SULF1: variants seen among roughly 807,000 people sequenced by gnomAD.
The protein encoded by SULF1 is sulfatase 1.
SULF1 carries 46 observed loss-of-function variants against 110.5 expected under a neutral mutation model. The ratio of observed to expected loss-of-function variants is 0.42; its 90% CI spans 0.33 to 0.53. SULF1 has a LOEUF of 0.53. SULF1 is among the 20% of genes least tolerant of loss of function. SULF1 has a pLI of 0.12. For synonymous variants in SULF1, 371 were observed against 387.1 expected (o/e 0.96, Z 0.49); for missense variants, 941 against 1,094.2 (o/e 0.86, Z 1.98).
At chr8:69,511,200 T>C (rs1402688761) in intron 3 of SULF1, among the ~76,000 whole-genome samples, 1 of 152,244 alleles carries the variant, frequency 6.6e-6, no homozygotes, top group Admixed American at 6.5e-5. Flanking sequence ...GAAACTACTT[T>C]GGGAATATAT....
intron 5 of SULF1, among the ~76,000 whole-genome samples, chr8:69,568,867 G>GA (rs1410312810): frequency 2.6e-5 from 4 of 152,060 alleles, no homozygotes; most frequent in Non-Finnish European, 4.4e-5. Context: ...TTTCAAAACT[G>GA]AAAAAATATA....
chr8:69,518,293 C>G (rs971877511), intron 3 of SULF1, among the ~76,000 whole-genome samples: 3 of 151,982 alleles, frequency 2.0e-5, no homozygotes, highest in African/African-American at 7.2e-5. Context: ...TTATGTTCAC[C>G]TTTTCGTTAA....
chr8:69,555,707 A>G (rs1433457196), intron 3 of SULF1, among the ~76,000 whole-genome samples: 1 of 152,154 alleles, frequency 6.6e-6, no homozygotes, highest in Non-Finnish European at 1.5e-5. Context: ...CTTCATTTAT[A>G]TAGTAAAGTC....
At chr8:69,549,975 C>T (rs139403950) in intron 3 of SULF1, among the ~76,000 whole-genome samples, 2 of 152,058 alleles carry the variant, frequency 1.3e-5, no homozygotes, top group African/African-American at 4.8e-5. Context: ...GGGGGCTGTA[C>T]ATGGTGTGTG....
chr8:69,576,584 C>T (rs535029514), intron 6 of SULF1, among the ~76,000 whole-genome samples: 39 of 152,224 alleles, frequency 2.6e-4, no homozygotes, highest in African/African-American at 8.4e-4. Context: ...ATTGTTTAAC[C>T]TACACAGGGC....
rs775073888 is a variant in SULF1 at position 69,564,118 on chromosome 8, T to G, written c.143T>G (p.Val48Gly). 7.4e-6 allele frequency: 12 copies of G among 1,614,068 alleles called. No individual in the cohort carries two copies. The highest frequency in any genetic ancestry group is 8.5e-7 in the Non-Finnish European group (1 of 1,180,034). ...AACATCCGACCCAACATTATTCTTG[T>G]GCTTACCGATGATCAAGATGTGGAG... is the stretch of plus-strand genomic sequence containing the variant. Reference protein sequence around the residue: ...RKNIRPNIILVLTDDQDVELG... With the variant: ...RKNIRPNIILGLTDDQDVELG... The change falls in exon 5 of 23, where the codon GTG (valine) becomes GGG (glycine). Residue 48 changes from valine to glycine, a missense_variant. Physicochemically the swap from Val to Gly is moderately radical, Grantham distance 109. Coordinates refer to ENST00000402687, the MANE Select transcript of SULF1 (RefSeq NM_001128205.2).
At chr8:69,591,936 C>T (rs1806939450) in intron 8 of SULF1, among the ~76,000 whole-genome samples, 1 of 152,186 alleles carries the variant, frequency 6.6e-6, no homozygotes, top group South Asian at 2.1e-4. Flanking sequence ...GATAAAGTAA[C>T]TTTGCCCCAA....
At chr8:69,554,910 C>T (rs558180978) in intron 3 of SULF1, among the ~76,000 whole-genome samples, 1 of 126,952 alleles carries the variant, frequency 7.9e-6, no homozygotes, top group Non-Finnish European at 1.6e-5. Flanking sequence ...ACCTGGGAGG[C>T]GGAGCTTGCG....
intron 3 of SULF1, among the ~76,000 whole-genome samples, chr8:69,554,194 A>C (rs1340563467): frequency 6.6e-6 from 1 of 152,230 alleles, no homozygotes; most frequent in Non-Finnish European, 1.5e-5. Context: ...AAAGTAGAGT[A>C]ATGAGTGAGA....
intron 5 of SULF1, among the ~76,000 whole-genome samples, chr8:69,570,333 T>C (rs1189193495): frequency 6.6e-6 from 1 of 152,226 alleles, no homozygotes; most frequent in Non-Finnish European, 1.5e-5. Context: ...CGAGTTTTTC[T>C]GGACATGACA....
chr8:69,499,870 C>T (rs989512269), intron 2 of SULF1, among the ~76,000 whole-genome samples: 3 of 152,144 alleles, frequency 2.0e-5, no homozygotes, highest in African/African-American at 7.2e-5. Context: ...CCGCCTCAGC[C>T]TCCCAAGTAG....
intron 5 of SULF1, 94 bp downstream of exon 5, chr8:69,564,241 T>A: frequency 7.0e-7 from 1 of 1,434,728 alleles, no homozygotes; most frequent in Non-Finnish European, 9.7e-7. Flanking sequence ...GCTTTGCACT[T>A]AATTATTGCA....
In SULF1 at chr8:69,634,871, G is replaced by A. The variant is rs972383157; in HGVS notation, c.2285-3631G>A. Among the ~76,000 whole-genome samples, 5 of 152,228 alleles carry A rather than the reference G, an allele frequency of 3.3e-5. No individual in the cohort carries two copies. In the East Asian group the frequency reaches 5.8e-4, roughly 18 times the overall value. ...CCCCCAGGCTGGAGTGCAATGGTGC[G>A]ATCTTGGCTCACTGCAACCTCCGCC... On this transcript the variant is annotated intron_variant, in intron 19 of 22. Coordinates refer to ENST00000402687, the MANE Select transcript of SULF1 (RefSeq NM_001128205.2).
At chr8:69,550,982 A>C (rs182609143) in intron 3 of SULF1, among the ~76,000 whole-genome samples, 1 of 152,226 alleles carries the variant, frequency 6.6e-6, no homozygotes, top group Admixed American at 6.5e-5. Flanking sequence ...TGTCTTTACT[A>C]TCATGGTGGT....
chr8:69,560,968 ATG>A (rs1815442936), intron 3 of SULF1, among the ~76,000 whole-genome samples: 1 of 152,194 alleles, frequency 6.6e-6, no homozygotes, highest in South Asian at 2.1e-4. Context: ...CCTGAATTGA[ATG>A]TTGGTGGTGG....
chr8:69,560,170 T>A (rs560395759), intron 3 of SULF1, among the ~76,000 whole-genome samples: 1 of 152,158 alleles, frequency 6.6e-6, no homozygotes, highest in East Asian at 1.9e-4. Flanking sequence ...TTGGCCACCA[T>A]CCCCTCTAGA....
At chr8:69,626,236 T>C (rs59944706) in intron 15 of SULF1, among the ~76,000 whole-genome samples, 2 of 39,976 alleles carry the variant, frequency 5.0e-5, no homozygotes, top group African/African-American at 8.9e-5. Context: ...TTGGTGTGTT[T>C]ACAATCCCTG....
intron 13 of SULF1, among the ~76,000 whole-genome samples, chr8:69,619,239 A>C (rs6472471): frequency 0.2 from 30,410 of 152,236 alleles, 3,534 homozygotes; most frequent in Middle Eastern, 0.3. Flanking sequence ...GAAAAGTTTC[A>C]GTAGATAATG....
At chr8:69,534,934 G>A (rs1813338361) in intron 3 of SULF1, among the ~76,000 whole-genome samples, 1 of 151,950 alleles carries the variant, frequency 6.6e-6, no homozygotes, top group Non-Finnish European at 1.5e-5. Context: ...ACTTTATAAG[G>A]ATTGTTGTTT....
Sources: allele counts gnomAD v4.1 joint callset (sites outside exome capture counted in the v4.1 genomes callset), GRCh38; gene constraint gnomAD v4.1.1; transcripts MANE v1.5; gene names NCBI Gene and HGNC (gene_info 2026-07-23, HGNC 2026-07-21).